The following CD55 variants were observed in gnomAD, a reference collection of about 807,000 sequenced individuals.
CD55 encodes CD55 molecule (Cromer blood group).
A neutral mutation model predicts 45.8 loss-of-function variants in CD55; 41 were observed. That is an observed-to-expected ratio of 0.90 (90% CI 0.70 to 1.16). The LOEUF (loss-of-function observed/expected upper bound fraction) is 1.16. Ranked by LOEUF, CD55 falls within the 50% of genes most tolerant of loss-of-function variation. CD55 has a pLI of 0.00. For synonymous variants in CD55, 181 were observed against 181.1 expected (o/e 1.00, Z 0.01); for missense variants, 416 against 469.8 (o/e 0.89, Z 1.06).
chr1:207,337,004 A>G (rs1024801546), intron 7 of CD55, 186 bp downstream of exon 7: 2 of 672,722 alleles, frequency 3.0e-6, no homozygotes, highest in Admixed American at 2.9e-5. Flanking sequence ...TCAAAGACAC[A>G]CCATAGTAAA....
chr1:207,355,551 A>G (rs942334964), intron 9 of CD55, among the ~76,000 whole-genome samples: 5 of 152,208 alleles, frequency 3.3e-5, no homozygotes, highest in African/African-American at 1.2e-4. Flanking sequence ...AATCTACCAT[A>G]GACTGAACAC....
At chr1:207,331,339 T>G in intron 6 of CD55, 43 bp downstream of exon 6, 1 of 1,506,752 alleles carries the variant, frequency 6.6e-7, no homozygotes, top group South Asian at 1.1e-5. Flanking sequence ...ATTCTTACCC[T>G]CAGGTCTATA....
chr1:207,359,637 A>T lies in CD55; in HGVS notation c.*27A>T, dbSNP rs12024498. 2 of 1,571,810 alleles carry T rather than the reference A, an allele frequency of 1.3e-6. No homozygotes were observed. The highest frequency in any genetic ancestry group is 1.7e-6 in the Non-Finnish European group (2 of 1,165,528). On this transcript the variant is annotated 3_prime_UTR_variant, in exon 10 of 10. Transcript: ENST00000367064. ...CAAAGAAGAGTTAAGAAGAAAATAC[A>T]CACAAGTATACAGACTGTTCCTAGT...
intron 6 of CD55, among the ~76,000 whole-genome samples, chr1:207,333,692 A>G (rs1655046838): frequency 6.6e-6 from 1 of 152,224 alleles, no homozygotes; most frequent in African/African-American, 2.4e-5. Context: ...TTCAGTTGGA[A>G]TCTGCAAAAA....
chr1:207,333,030 C>G (rs1289985639), intron 6 of CD55, among the ~76,000 whole-genome samples: 1 of 152,170 alleles, frequency 6.6e-6, no homozygotes, highest in Non-Finnish European at 1.5e-5. Flanking sequence ...AATTGAGGCC[C>G]TCAAATGCAG....
rs12755939 is a variant in CD55, at chr1:207,324,851, T to C, written c.478+101T>C. 6.7e-6 allele frequency: 4 copies of C among 601,030 alleles called. No homozygotes were observed. The African/African-American group carries it at 7.5e-5, about 11-fold the overall frequency. The allele number at this position is 601,030 out of a possible 1,614,324, so 37.2% of individuals were successfully genotyped here. On this transcript the variant is annotated intron_variant, in intron 3 of 9. Coordinates refer to ENST00000367064, the MANE Select transcript of CD55 (RefSeq NM_000574.5). Reference sequence around the variant, plus strand: ...AGAACTCTATGTGTATATATTATTATATAGGATGTTTCTTGATAGGACCAT... The same window carrying C: ...AGAACTCTATGTGTATATATTATTACATAGGATGTTTCTTGATAGGACCAT...
chr1:207,338,194 C>T (rs1655268314), intron 8 of CD55, among the ~76,000 whole-genome samples: 1 of 152,098 alleles, frequency 6.6e-6, no homozygotes, highest in Admixed American at 6.6e-5. Context: ...CATTCTTATA[C>T]TCCATGTTTC....
intron 3 of CD55, 135 bp downstream of exon 3, chr1:207,324,885 A>G (rs537562818): frequency 1.2e-4 from 51 of 441,446 alleles, no homozygotes; most frequent in African/African-American, 9.1e-4. Flanking sequence ...ATGAGTGTCA[A>G]TTTATTTTGA....
At chr1:207,336,211 T>C (rs1655165323) in intron 6 of CD55, among the ~76,000 whole-genome samples, 1 of 152,190 alleles carries the variant, frequency 6.6e-6, no homozygotes, top group Admixed American at 6.5e-5. Flanking sequence ...GAGTTATTTT[T>C]ACTCAGACTC....
chr1:207,330,075 G>A (rs921917058), intron 5 of CD55, among the ~76,000 whole-genome samples: 1 of 151,964 alleles, frequency 6.6e-6, no homozygotes, highest in African/African-American at 2.4e-5. Flanking sequence ...ACTATATCTT[G>A]TTCAGCTTTG....
At chr1:207,331,030 T>G in intron 5 of CD55, 78 bp from the exon 6 acceptor site, 1 of 1,055,704 alleles carries the variant, frequency 9.5e-7, no homozygotes, top group Non-Finnish European at 1.4e-6. Context: ...AATATAATCT[T>G]TAACATGTTT....
At chr1:207,332,249 A>G (rs1048895613) in intron 6 of CD55, among the ~76,000 whole-genome samples, 1 of 152,166 alleles carries the variant, frequency 6.6e-6, no homozygotes, top group Non-Finnish European at 1.5e-5. Context: ...GTATTCATTT[A>G]TCTAACCAGT....
intron 9 of CD55, chr1:207,350,253 T>A (rs1013669914): frequency 5.9e-6 from 2 of 339,338 alleles, no homozygotes; most frequent in Admixed American, 7.5e-5. Flanking sequence ...GCTGCTGGAT[T>A]TGATCTGCTA....
intron 3 of CD55, among the ~76,000 whole-genome samples, chr1:207,324,994 A>G (rs1035528204): frequency 3.3e-5 from 5 of 152,184 alleles, no homozygotes; most frequent in African/African-American, 9.7e-5. Flanking sequence ...TATATATTCT[A>G]AATTCGTTGC....
intron 9 of CD55, among the ~76,000 whole-genome samples, chr1:207,352,570 CAAGTGATT>C (rs1655909688): frequency 6.6e-6 from 1 of 151,922 alleles, no homozygotes; most frequent in African/African-American, 2.4e-5. Flanking sequence ...TTATTCAACC[CAAGTGATT>C]AAGTGATTAA....
chr1:207,348,468 G>T (rs575423668), intron 9 of CD55, among the ~76,000 whole-genome samples: 3 of 152,172 alleles, frequency 2.0e-5, no homozygotes, highest in Middle Eastern at 3.4e-3. Context: ...TTGAATATTA[G>T]AACTTTGTTA....
intron 1 of CD55, 62 bp downstream of exon 1, chr1:207,321,927 C>T (rs1654425288): frequency 1.6e-6 from 2 of 1,226,484 alleles, no homozygotes; most frequent in South Asian, 1.4e-5. Context: ...AAGTCGGTCT[C>T]TGAGACACGC....
chr1:207,358,866 G>T (rs189025661), intron 9 of CD55, among the ~76,000 whole-genome samples: 5 of 152,012 alleles, frequency 3.3e-5, no homozygotes, highest in African/African-American at 1.2e-4. Context: ...TCAGTTTATT[G>T]TAACGATTAG....
intron 8 of CD55, among the ~76,000 whole-genome samples, chr1:207,338,370 A>G (rs1023347863): frequency 1.2e-4 from 18 of 152,052 alleles, no homozygotes; most frequent in African/African-American, 4.3e-4. Context: ...CTTCTTTACA[A>G]TTTTATGACT....
Sources: gnomAD v4.1 joint callset for allele counts (sites outside exome capture counted in the v4.1 genomes callset) on GRCh38, gnomAD v4.1.1 for gene constraint, MANE v1.5 for transcripts, NCBI Gene and HGNC (gene_info 2026-07-23, HGNC 2026-07-21) for gene names.